Variants in ACBD4 observed in about 807,000 individuals in gnomAD.
ACBD4 encodes the protein acyl-CoA-binding domain-containing protein 4.
Under a neutral mutation model 46.0 loss-of-function variants are expected in ACBD4, and 41 were observed. The ratio of observed to expected loss-of-function variants is 0.89; its 90% CI spans 0.69 to 1.16. The LOEUF is 1.16. Among genes scored for constraint, ACBD4 ranks in the 50% most tolerant of loss-of-function variants. ACBD4 has a pLI of 0.00. For missense variants in ACBD4, 393 were observed against 399.5 expected, an observed-to-expected ratio of 0.98 and a Z score of 0.14; for synonymous variants, 162 against 155.9, an observed-to-expected ratio of 1.04 and a Z score of -0.29.
intron 2 of ACBD4, 48 bp downstream of exon 2, chr17:45,136,280 G>T (rs773894998): frequency 1.4e-5 from 22 of 1,603,958 alleles, no homozygotes; most frequent in Non-Finnish European, 1.7e-5. Flanking sequence ...GGACGCCTGG[G>T]GTCTGACTCT....
upstream of ACBD4, among the ~76,000 whole-genome samples, chr17:45,134,204 G>A (rs2054643079): frequency 1.3e-5 from 2 of 152,150 alleles, no homozygotes; most frequent in South Asian, 2.1e-4. Context: ...AGGGTGGAGT[G>A]CAGTGGCATG....
rs35492972 is a variant in ACBD4 at position 45,140,658 on chromosome 17, C to CAA, written c.789+1512_789+1513dup. 2.4e-3 allele frequency among the ~76,000 whole-genome samples: 309 copies of CAA among 130,848 alleles called. 1 individual carries two copies. The highest frequency in any genetic ancestry group is 6.8e-3 in the African/African-American group (244 of 36,024). The allele number at this position is 130,848 out of a possible 152,430, so 85.8% of individuals were successfully genotyped here. On this transcript the variant is annotated intron_variant, in intron 9 of 9. Transcript: ENST00000321854. The stretch of plus-strand genomic sequence containing the variant: ...TAGGCAACATAGCAAGATCCTGCCT[C>CAA]AAAAAAAAAAAAAAAGATTCTAAAC...
chr17:45,136,272 A>C, intron 2 of ACBD4, 40 bp downstream of exon 2: 1 of 1,606,976 alleles, frequency 6.2e-7, no homozygotes, highest in African/African-American at 1.3e-5. Context: ...CGCATTCAGG[A>C]CGCCTGGGGT....
Position 45,136,240 on chromosome 17 carries a change from T to G in ACBD4, c.88+8T>G. 6.2e-7 allele frequency: 1 copy of G among 1,612,536 alleles called. No homozygotes were observed. Among genetic ancestry groups the G allele is most frequent in the Non-Finnish European group, 8.5e-7 (1 of 1,179,392 alleles). ...AGAACCTGCCCAAGAACGGTGAGGC[T>G]GCGGGGACTCGCATTTGGACTCGCA... On this transcript the variant is annotated splice_region_variant and intron_variant, in intron 2 of 9. Transcript: ENST00000321854.
At chr17:45,136,956 G>A (rs1441986460) in intron 4 of ACBD4, 63 bp from the exon 5 acceptor site, 2 of 1,608,962 alleles carry the variant, frequency 1.2e-6, no homozygotes, top group Non-Finnish European at 1.7e-6. Context: ...TGTGTGACAG[G>A]GCAGGAGCAG....
At position 45,137,196 on chromosome 17, in the gene ACBD4, G is replaced by C. The variant is rs542133644; in HGVS notation, c.415+57G>C. 125 of 1,610,146 alleles carry C rather than the reference G, an allele frequency of 7.8e-5. No individual in the cohort carries two copies. In the Admixed American group the frequency reaches 9.3e-4, roughly 12 times the overall value. Reference sequence around the variant, plus strand: ...GCTGAGTGAACCGTCTTAGGTCTAGGCTGAGGTGGGCTGGGGGCAGAGGGC... The same window carrying C: ...GCTGAGTGAACCGTCTTAGGTCTAGCCTGAGGTGGGCTGGGGGCAGAGGGC... On this transcript the variant is annotated intron_variant, in intron 5 of 9. Coordinates refer to ENST00000321854, the MANE Select transcript of ACBD4 (RefSeq NM_001135705.3).
chr17:45,139,762 T>C (rs1233542674), intron 9 of ACBD4, among the ~76,000 whole-genome samples: 1 of 152,242 alleles, frequency 6.6e-6, no homozygotes, highest in Non-Finnish European at 1.5e-5. Flanking sequence ...CTAATTTGCC[T>C]GAGGGCACAC....
upstream of ACBD4, chr17:45,132,970 G>A (rs72832865): frequency 4.0e-3 from 606 of 152,806 alleles, 2 homozygotes; most frequent in Non-Finnish European, 7.0e-3. The surrounding 1 kb of genome is among the most constrained non-coding windows in gnomAD (Gnocchi z 4.6). Flanking sequence ...GAACCCGAAG[G>A]GATGGGCATG....
At position 45,137,383 on chromosome 17, in the gene ACBD4, T is replaced by C. The variant is rs780601484; in HGVS notation, c.431T>C (p.Val144Ala). 1.2e-6 allele frequency: 2 copies of C among 1,613,896 alleles called. No individual in the cohort carries two copies. The highest frequency in any genetic ancestry group is 4.5e-5 in the East Asian group (2 of 44,856). The change falls in exon 6 of 10, where the codon GTT becomes GCT. Residue 144 changes from valine to alanine, a missense_variant. Val to Ala is a moderately conservative substitution (Grantham distance 64). Around this residue, in one of 3 missense-constraint regions of ACBD4, gnomAD observed 308 missense variants for 301.8 expected, o/e 1.02. Coordinates refer to ENST00000321854, the MANE Select transcript of ACBD4 (RefSeq NM_001135705.3). ...LRRVTGWKEQ[V>A]VNGDVGAVSE... is the part of the protein sequence containing the mutation. Reference sequence around the variant, plus strand: ...GTCTTGGCAGGTTGGAAAGAGCAGGTTGTGAATGGAGATGTTGGGGCTGTT... The same window carrying C: ...GTCTTGGCAGGTTGGAAAGAGCAGGCTGTGAATGGAGATGTTGGGGCTGTT...
In ACBD4 at chr17:45,139,149, C is replaced by T. The variant is rs748539089; in HGVS notation, c.778C>T (p.Pro260Ser). 3.7e-6 allele frequency: 6 copies of T among 1,613,482 alleles called. No individual in the cohort carries two copies. Among genetic ancestry groups the T allele is most frequent in the Non-Finnish European group, 4.2e-6 (5 of 1,179,948 alleles). Residue 260 changes from proline (P) to serine (S), a missense_variant, in exon 9 of 10, where the codon CCC becomes TCC. Transcript: ENST00000321854. ...GCAGAGCCTGGAGAGCATGCCCCGG[C>T]CCCCTGAGCAGGTAGAGTCCCCCAC... ...RVQSLESMPR[P>S]PEQRPQPRPS...
chr17:45,139,063 T>A lies in ACBD4; in HGVS notation c.692T>A (p.Val231Glu). ...GSPPGPQELD[V>E]WLLGTVRALQ... ...CCGCCGGGGCCCCAGGAGTTGGACG[T>A]GTGGCTGCTGGGGACAGTTCGAGCA... Residue 231 changes from valine to glutamate, a missense_variant, in exon 9 of 10, where the codon GTG becomes GAG. Physicochemically the swap from Val to Glu is moderately radical, Grantham distance 121. Coordinates refer to ENST00000321854, the MANE Select transcript of ACBD4 (RefSeq NM_001135705.3). 6.2e-7 allele frequency: 1 copy of A among 1,613,808 alleles called. No homozygotes were observed. The highest frequency in any genetic ancestry group is 8.5e-7 in the Non-Finnish European group (1 of 1,180,024).
At chr17:45,137,252 G>A in intron 5 of ACBD4, 113 bp downstream of exon 5, 1 of 1,596,946 alleles carries the variant, frequency 6.3e-7, no homozygotes, top group Non-Finnish European at 8.6e-7. Flanking sequence ...GGGCCCCCAA[G>A]CCCCCGAGAG....
At chr17:45,141,682 C>T (rs1401264269) in intron 9 of ACBD4, among the ~76,000 whole-genome samples, 1 of 152,092 alleles carries the variant, frequency 6.6e-6, no homozygotes, top group African/African-American at 2.4e-5. Flanking sequence ...GCACAAAAAA[C>T]CACAACATTT....
Position 45,137,806 on chromosome 17 carries a change from C to T in ACBD4, c.549C>T (p.Ser183=). 6.2e-7 allele frequency: 1 copy of T among 1,614,028 alleles called. No individual in the cohort carries two copies. Among genetic ancestry groups the T allele is most frequent in the Non-Finnish European group, 8.5e-7 (1 of 1,179,986 alleles). ...RDLDSEVFCD[S]LEQLEPELVW... ...TGGACTCCGAGGTTTTCTGTGATTC[C>T]CTGGAGCAGCTGGAGCCTGAGCTGG... is the stretch of plus-strand genomic sequence containing the variant. The change falls in exon 7 of 10, where the codon TCC becomes TCT. Residue 183 remains serine (S), a synonymous_variant. Transcript: ENST00000321854.
At chr17:45,138,065 C>T in intron 8 of ACBD4, 77 bp downstream of exon 8, 1 of 1,415,672 alleles carries the variant, frequency 7.1e-7, no homozygotes, top group East Asian at 2.5e-5. Flanking sequence ...TCTTGGCTGC[C>T]TTCCTAGGGC....
upstream of ACBD4, among the ~76,000 whole-genome samples, chr17:45,132,085 C>T (rs2054464453): frequency 1.3e-5 from 2 of 152,204 alleles, no homozygotes; most frequent in South Asian, 4.1e-4. The surrounding 1 kb of genome is among the most constrained non-coding windows in gnomAD (Gnocchi z 4.6). Flanking sequence ...TCGGATGACC[C>T]CAGGTGCGAC....
At chr17:45,141,844 C>T (rs1360766883) in intron 9 of ACBD4, among the ~76,000 whole-genome samples, 2 of 151,962 alleles carry the variant, frequency 1.3e-5, no homozygotes, top group East Asian at 1.9e-4. Context: ...CTCCTGCAGT[C>T]GGAGAATATC....
chr17:45,142,322 G>A (rs2055326862), intron 9 of ACBD4, among the ~76,000 whole-genome samples: 1 of 143,228 alleles, frequency 7.0e-6, no homozygotes, highest in African/African-American at 2.6e-5. Flanking sequence ...GAACCCAGGA[G>A]GCGGAGGTTG....
At chr17:45,138,838 G>T (rs1231592540) in intron 8 of ACBD4, among the ~76,000 whole-genome samples, 183 bp from the exon 9 acceptor site, 1 of 151,774 alleles carries the variant, frequency 6.6e-6, no homozygotes, top group Admixed American at 6.6e-5. Context: ...AAGCGGCCAT[G>T]CTGGGATTAA....
Sources: gnomAD v4.1 joint callset for allele counts (sites outside exome capture counted in the v4.1 genomes callset) on GRCh38, gnomAD v4.1.1 for gene constraint, gnomAD v4.1.1 regional missense constraint, Gnocchi (gnomAD v3.1) non-coding constraint, MANE v1.5 for transcripts, NCBI Gene and HGNC (gene_info 2026-07-23, HGNC 2026-07-21) for gene names.